The following AKAP13 variants were observed in gnomAD, a reference collection of about 807,000 sequenced individuals.
The protein encoded by AKAP13 is A-kinase anchoring protein 13.
Under a neutral mutation model 264.5 loss-of-function variants are expected in AKAP13, and 80 were observed. The ratio of observed to expected loss-of-function variants is 0.30; its 90% confidence interval spans 0.25 to 0.36. The LOEUF (loss-of-function observed/expected upper bound fraction) is 0.36, where lower values mean the gene tolerates loss of function less well. Ranked by LOEUF, AKAP13 falls within the 10% of genes least tolerant of loss-of-function variation. The pLI is 1.00. For synonymous variants in AKAP13, 1,380 were observed against 1,250.2 expected (o/e 1.10, Z -2.19); for missense variants, 3,712 against 3,435.2 (o/e 1.08, Z -2.01).
chr15:85,469,806 A>G (rs533319264), intron 1 of AKAP13, among the ~76,000 whole-genome samples: 24 of 152,258 alleles, frequency 1.6e-4, no homozygotes, highest in African/African-American at 5.1e-4. Flanking sequence ...CAGTTTTACA[A>G]TCTACATGCC....
intron 4 of AKAP13, among the ~76,000 whole-genome samples, chr15:85,539,032 C>T (rs1421562449): frequency 9.2e-5 from 12 of 129,886 alleles, no homozygotes; most frequent in Middle Eastern, 6.2e-3. Context: ...GGGGTTTCAC[C>T]ATGTTAGCCA....
rs998696236 is a variant in AKAP13, at chr15:85,580,931, C to T, written c.2863C>T (p.Pro955Ser). 6 of 1,614,180 alleles carry T rather than the reference C, an allele frequency of 3.7e-6. No individual in the cohort carries two copies. In the African/African-American group the frequency reaches 4.0e-5, roughly 11 times the overall value. The change falls in exon 7 of 37, where the codon CCT (proline) becomes TCT (serine). Residue 955 changes from proline (P) to serine (S), a missense_variant. This residue lies in a region of AKAP13 where 2,759 missense variants were observed against 2,411.7 expected (regional missense o/e 1.14). Transcript: ENST00000394518. ...TTTGCAGGAAGAGCAGAGAACACCA[C>T]CTCCTGGACAAGATACTCAACAATT... ...GTLQEEQRTP[P>S]PGQDTQQFHE...
At position 85,708,062 on chromosome 15, in the gene AKAP13, C is replaced by G; in HGVS notation, c.5508C>G (p.Ala1836=). The G allele has an allele frequency of 2.5e-6, 4 of 1,613,896 alleles. No homozygotes were observed. Among genetic ancestry groups the G allele is most frequent in the Non-Finnish European group, 2.5e-6 (3 of 1,179,862 alleles). The change falls in exon 18 of 37, where the codon GCC becomes GCG. Residue 1836 remains alanine (A), a synonymous_variant. Coordinates refer to ENST00000394518, the MANE Select transcript of AKAP13 (RefSeq NM_007200.5). The surrounding 1 kb of genome is among the most constrained non-coding windows in gnomAD (Gnocchi z 4.3). ...FVHKGCRESL[A]SCAKVKMKQP... ...ACAAAGGCTGCCGAGAAAGTCTAGC[C>G]TCCTGTGCAAAGGTCAAAATGAAGG...
At chr15:85,717,937 G>A in intron 21 of AKAP13, 70 bp from the exon 22 acceptor site, 3 of 1,481,568 alleles carry the variant, frequency 2.0e-6, no homozygotes, top group Non-Finnish European at 2.8e-6. Context: ...TCATCTTGAG[G>A]AAAGTCCAAC....
chr15:85,602,277 G>A (rs995623437), intron 8 of AKAP13, among the ~76,000 whole-genome samples: 2 of 151,892 alleles, frequency 1.3e-5, no homozygotes, highest in Admixed American at 1.3e-4. Flanking sequence ...CCAGGTTCAA[G>A]GCATTCTTGT....
At position 85,593,164 on chromosome 15, in the gene AKAP13, TAGC is replaced by T. The variant is rs2079655109; in HGVS notation, c.4161+7344_4161+7346del. Among the ~76,000 whole-genome samples, 4 of 152,144 alleles carry T rather than the reference TAGC, an allele frequency of 2.6e-5. No homozygotes were observed. The South Asian group carries it at 8.3e-4, about 32-fold the overall frequency. ...ATCTCTACTAAAAATGCAAAAAAAT[TAGC>T]AGGGCGTGGTGGTGCGCCCCTGTAA... On this transcript the variant is annotated intron_variant, in intron 8 of 36. Coordinates refer to ENST00000394518, the MANE Select transcript of AKAP13 (RefSeq NM_007200.5).
chr15:85,690,095 G>A (rs1342335120), intron 16 of AKAP13: 2 of 152,258 alleles, frequency 1.3e-5, no homozygotes, highest in Non-Finnish European at 1.5e-5. Flanking sequence ...TAGGACCAAA[G>A]CATGGGGAGG....
At chr15:85,533,562 T>G (rs1399446970) in intron 3 of AKAP13, 22 bp from the exon 4 acceptor site, 1 of 1,580,680 alleles carries the variant, frequency 6.3e-7, no homozygotes, top group East Asian at 2.2e-5. Context: ...ACTGTTTTAT[T>G]TGCTGCCTGT....
chr15:85,736,036 T>C, intron 32 of AKAP13, 54 bp from the exon 33 acceptor site: 3 of 1,362,382 alleles, frequency 2.2e-6, no homozygotes, highest in Non-Finnish European at 3.1e-6. Flanking sequence ...ACACTGAATG[T>C]CATTTTTGCA....
At chr15:85,545,029 C>G (rs934607675) in intron 5 of AKAP13, among the ~76,000 whole-genome samples, 1 of 152,224 alleles carries the variant, frequency 6.6e-6, no homozygotes, top group Non-Finnish European at 1.5e-5. Context: ...ATACCTTTCC[C>G]CATCACGCTA....
chr15:85,723,768 A>G (rs917910008), intron 26 of AKAP13, among the ~76,000 whole-genome samples: 1 of 152,180 alleles, frequency 6.6e-6, no homozygotes, highest in Non-Finnish European at 1.5e-5. Context: ...ATGTTAGAGG[A>G]GTTTGCAGCT....
At chr15:85,601,963 A>G (rs192283149) in intron 8 of AKAP13, among the ~76,000 whole-genome samples, 56 of 152,176 alleles carry the variant, frequency 3.7e-4, no homozygotes, top group Non-Finnish European at 1.5e-5. Context: ...AATATAAAAT[A>G]TTTGGATTCT....
At chr15:85,394,954 A>G (rs2071041999) in intron 1 of AKAP13, among the ~76,000 whole-genome samples, 2 of 152,288 alleles carry the variant, frequency 1.3e-5, no homozygotes, top group East Asian at 3.9e-4. Context: ...TAATTTTCTT[A>G]CTATTCTTGT....
intron 1 of AKAP13, among the ~76,000 whole-genome samples, chr15:85,407,255 T>C (rs1367282518): frequency 8.0e-6 from 1 of 124,984 alleles, no homozygotes; most frequent in East Asian, 2.3e-4. Flanking sequence ...TGGGACGGAG[T>C]CTTGCTCTGT....
intron 36 of AKAP13, 107 bp from the exon 37 acceptor site, chr15:85,744,521 G>A: frequency 1.7e-6 from 2 of 1,201,058 alleles, no homozygotes; most frequent in South Asian, 2.5e-5. Flanking sequence ...TTGCCCATAA[G>A]CCCCAGTCGC....
intron 8 of AKAP13, among the ~76,000 whole-genome samples, chr15:85,622,020 G>A (rs2081214743): frequency 1.3e-5 from 2 of 152,112 alleles, no homozygotes; most frequent in South Asian, 4.1e-4. Flanking sequence ...AAATAAGATG[G>A]GGACGTTTGG....
intron 2 of AKAP13, among the ~76,000 whole-genome samples, chr15:85,506,292 C>T (rs1209039867): frequency 1.3e-5 from 2 of 151,846 alleles, no homozygotes; most frequent in Non-Finnish European, 2.9e-5. Context: ...TCAAAAACAA[C>T]AAAAAAAGAA....
chr15:85,393,520 C>T, intron 1 of AKAP13, among the ~76,000 whole-genome samples: 1 of 152,152 alleles, frequency 6.6e-6, no homozygotes, highest in East Asian at 1.9e-4. Context: ...TATGTCCAGT[C>T]TAGAGAGGTT....
chr15:85,720,414 TTGATA>T (rs985003665), intron 23 of AKAP13, among the ~76,000 whole-genome samples: 26 of 152,238 alleles, frequency 1.7e-4, no homozygotes, highest in Middle Eastern at 3.2e-3. Context: ...ATATGTATTG[TTGATA>T]CTTTCATCAA....
Sources: allele counts gnomAD v4.1 joint callset (sites outside exome capture counted in the v4.1 genomes callset), GRCh38; gene constraint gnomAD v4.1.1; regional missense constraint gnomAD v4.1.1; non-coding constraint Gnocchi (gnomAD v3.1); transcripts MANE v1.5; gene names NCBI Gene and HGNC (gene_info 2026-07-23, HGNC 2026-07-21).